The following GALNT13 variants were observed in gnomAD, a reference collection of about 807,000 sequenced individuals.
GALNT13 encodes UDP-GalNAc:polypeptide N-acetylgalactosaminyltransferase 13.
A neutral mutation model predicts 64.2 loss-of-function variants in GALNT13; 28 were observed. The ratio of observed to expected loss-of-function variants is 0.44; its 90% CI spans 0.32 to 0.60. The LOEUF is 0.60. Among genes scored for constraint, GALNT13 ranks in the 20% least tolerant of loss-of-function variants. The probability of loss-of-function intolerance (pLI) is 0.05; values close to 1 mark genes in which losing one functional copy is unlikely to be tolerated. For missense variants in GALNT13, 577 were observed against 669.8 expected, an observed-to-expected ratio of 0.86 and a Z score of 1.53; for synonymous variants, 214 against 224.6, an observed-to-expected ratio of 0.95 and a Z score of 0.42.
intron 2 of GALNT13, among the ~76,000 whole-genome samples, chr2:153,933,451 G>A (rs1690673812): frequency 6.6e-6 from 1 of 152,046 alleles, no homozygotes; most frequent in Non-Finnish European, 1.5e-5. Flanking sequence ...TGAGCCTATG[G>A]GTATCATTGC....
At chr2:153,328,495 C>T in the GALNT13 span, among the ~76,000 whole-genome samples, 2 of 152,186 alleles carry the variant, frequency 1.3e-5, no homozygotes, top group African/African-American at 2.4e-5. Flanking sequence ...TTCAGAGATG[C>T]CCTGCCCAGA....
chr2:154,064,196 A>G (rs1700340626), intron 3 of GALNT13, among the ~76,000 whole-genome samples: 1 of 152,172 alleles, frequency 6.6e-6, no homozygotes, highest in Admixed American at 6.5e-5. Flanking sequence ...CCAGCCCTAG[A>G]CAGAGAAGAA....
the GALNT13 span, among the ~76,000 whole-genome samples, chr2:153,451,527 TC>T: frequency 5.9e-5 from 9 of 152,156 alleles, no homozygotes; most frequent in African/African-American, 1.7e-4. Flanking sequence ...TTCTTTCTGC[TC>T]CATTTTAGCA....
intron 2 of GALNT13, among the ~76,000 whole-genome samples, chr2:153,926,962 T>A (rs1690182908): frequency 6.6e-6 from 1 of 152,120 alleles, no homozygotes. Flanking sequence ...TGCTTGTATA[T>A]GAATAAGTTA....
chr2:153,988,363 A>C (rs1269769020), intron 3 of GALNT13, among the ~76,000 whole-genome samples: 1 of 151,892 alleles, frequency 6.6e-6, no homozygotes, highest in African/African-American at 2.4e-5. Flanking sequence ...CCACCATTCT[A>C]CTTTCTACTT....
the GALNT13 span, among the ~76,000 whole-genome samples, chr2:153,782,770 A>G: frequency 4.6e-5 from 7 of 152,286 alleles, no homozygotes; most frequent in Middle Eastern, 3.4e-3. Context: ...CACCTTGATC[A>G]TGGTCTTCTA....
intron 9 of GALNT13, among the ~76,000 whole-genome samples, chr2:154,352,478 G>C (rs1246306719): frequency 1.3e-5 from 2 of 152,166 alleles, no homozygotes; most frequent in Non-Finnish European, 2.9e-5. Context: ...TTCATGCATT[G>C]TCACATGTAA....
At chr2:153,657,417 G>A in the GALNT13 span, among the ~76,000 whole-genome samples, 5 of 152,002 alleles carry the variant, frequency 3.3e-5, no homozygotes, top group Admixed American at 3.3e-4. Flanking sequence ...TGACAGGCAT[G>A]GTACTTAGCA....
the GALNT13 span, among the ~76,000 whole-genome samples, chr2:153,443,985 T>A: frequency 6.6e-6 from 1 of 152,314 alleles, no homozygotes; most frequent in East Asian, 1.9e-4. Flanking sequence ...AGATTTCTTG[T>A]GCTCTATAAT....
the GALNT13 span, among the ~76,000 whole-genome samples, chr2:153,752,679 A>G: frequency 2.0e-5 from 3 of 151,864 alleles, no homozygotes; most frequent in Non-Finnish European, 2.9e-5. Context: ...TCTTCTCTTT[A>G]TCCTTTATCT....
At chr2:153,708,431 T>C in the GALNT13 span, among the ~76,000 whole-genome samples, 5 of 152,168 alleles carry the variant, frequency 3.3e-5, no homozygotes, top group Non-Finnish European at 4.4e-5. Context: ...GTCATAATTA[T>C]GCATTTGATT....
At chr2:154,227,919 A>G (rs1446317590) in intron 4 of GALNT13, among the ~76,000 whole-genome samples, 2 of 152,026 alleles carry the variant, frequency 1.3e-5, no homozygotes, top group African/African-American at 4.8e-5. Flanking sequence ...ACATCATTCT[A>G]TTTATTGAAT....
At chr2:153,573,279 T>TCCATTGGCA in the GALNT13 span, among the ~76,000 whole-genome samples, 3 of 152,050 alleles carry the variant, frequency 2.0e-5, no homozygotes, top group African/African-American at 7.2e-5. Flanking sequence ...TTTTTTGGTT[T>TCCATTGGCA]CCATTGGCAT....
At chr2:154,294,591 T>C (rs1692814153) in intron 8 of GALNT13, among the ~76,000 whole-genome samples, 1 of 152,194 alleles carries the variant, frequency 6.6e-6, no homozygotes, top group African/African-American at 2.4e-5. Flanking sequence ...GACAAATTTA[T>C]TTAACCCAAG....
chr2:153,113,272 A>C, the GALNT13 span, among the ~76,000 whole-genome samples: 1 of 152,128 alleles, frequency 6.6e-6, no homozygotes, highest in East Asian at 1.9e-4. Context: ...CCATCTAGGC[A>C]GGAGGACAGC....
chr2:153,391,520 G>A, the GALNT13 span, among the ~76,000 whole-genome samples: 3 of 151,964 alleles, frequency 2.0e-5, no homozygotes, highest in African/African-American at 7.3e-5. Context: ...ATTATGAATA[G>A]GTCTTTTGTT....
intron 3 of GALNT13, among the ~76,000 whole-genome samples, chr2:154,100,819 G>A (rs10804103): frequency 0.32 from 48,380 of 151,862 alleles, 8,278 homozygotes; most frequent in Non-Finnish European, 0.39. Flanking sequence ...TTCCCCATTC[G>A]GTCTGATACT....
the GALNT13 span, among the ~76,000 whole-genome samples, chr2:153,558,579 A>G: frequency 6.6e-6 from 1 of 151,614 alleles, no homozygotes; most frequent in South Asian, 2.1e-4. Context: ...GGTCCTTTGT[A>G]GGCTGACATA....
chr2:153,317,868 A>G, the GALNT13 span, among the ~76,000 whole-genome samples: 2 of 152,152 alleles, frequency 1.3e-5, no homozygotes, highest in African/African-American at 4.8e-5. Flanking sequence ...TCTTATGGGA[A>G]AGAGAGAATT....
Sources: gnomAD v4.1 joint callset for allele counts (sites outside exome capture counted in the v4.1 genomes callset) on GRCh38, gnomAD v4.1.1 for gene constraint, MANE v1.5 for transcripts, NCBI Gene and HGNC (gene_info 2026-07-23, HGNC 2026-07-21) for gene names.